DEPTOR: variants seen among roughly 807,000 people sequenced by gnomAD.
The protein encoded by DEPTOR is DEP domain containing MTOR interacting protein, also known as DEP domain-containing mTOR-interacting protein.
In DEPTOR, 41 loss-of-function variants were observed where a neutral mutation model predicts 41.6. The observed-to-expected ratio is 0.98, with a 90% confidence interval of 0.77 to 1.28. The LOEUF (loss-of-function observed/expected upper bound fraction) is 1.28. Among genes scored for constraint, DEPTOR ranks in the 50% most tolerant of loss-of-function variants. The pLI is 0.00. For missense variants in DEPTOR, 514 were observed against 527.9 expected, an observed-to-expected ratio of 0.97 and a Z score of 0.26; for synonymous variants, 195 against 192.3, an observed-to-expected ratio of 1.01 and a Z score of -0.12.
At chr8:119,884,435 T>G (rs1165447924) in intron 1 of DEPTOR, among the ~76,000 whole-genome samples, 2 of 152,160 alleles carry the variant, frequency 1.3e-5, no homozygotes, top group East Asian at 3.8e-4. Context: ...ATGCGAGTCG[T>G]GAGTGGTGTC....
chr8:119,981,844 G>A (rs1292800947), intron 4 of DEPTOR, among the ~76,000 whole-genome samples: 3 of 151,410 alleles, frequency 2.0e-5, no homozygotes, highest in African/African-American at 4.8e-5. Context: ...GTGAAACCTC[G>A]TTCTACTAAA....
chr8:120,009,727 C>T (rs1057460816), intron 8 of DEPTOR, among the ~76,000 whole-genome samples: 2 of 152,164 alleles, frequency 1.3e-5, no homozygotes, highest in Non-Finnish European at 2.9e-5. Context: ...TCTCCCTAAG[C>T]GTTTTGGCTT....
rs113360117 is a variant in DEPTOR at position 119,995,105 on chromosome 8, C to T, written c.605-6420C>T. ...CTTTAGAAGTCTAAAATGAAGAAGG[C>T]TTACAACACTCTATGTCAGATGCCA... On this transcript the variant is annotated intron_variant, in intron 4 of 8. Transcript: ENST00000286234. 3.4e-4 allele frequency among the ~76,000 whole-genome samples: 51 copies of T among 152,176 alleles called. 1 individual carries two copies. The highest frequency in any genetic ancestry group is 1.2e-4 in the Non-Finnish European group (8 of 67,986).
chr8:119,936,917 G>A (rs1395827337), intron 3 of DEPTOR, among the ~76,000 whole-genome samples: 1 of 152,090 alleles, frequency 6.6e-6, no homozygotes, highest in Non-Finnish European at 1.5e-5. Context: ...CCAGCTACTT[G>A]GGAGGCTGGG....
chr8:119,983,053 G>A (rs566881008), intron 4 of DEPTOR, among the ~76,000 whole-genome samples: 1 of 152,146 alleles, frequency 6.6e-6, no homozygotes, highest in Non-Finnish European at 1.5e-5. Flanking sequence ...TGAAACATAC[G>A]CTTTTAAGGA....
At chr8:119,976,918 G>C (rs1361111314) in intron 4 of DEPTOR, among the ~76,000 whole-genome samples, 1 of 152,168 alleles carries the variant, frequency 6.6e-6, no homozygotes, top group African/African-American at 2.4e-5. Context: ...ATGAGTGCTT[G>C]GCAGGCTGTT....
At position 119,928,669 on chromosome 8, in the gene DEPTOR, G is replaced by T; in HGVS notation, c.301+91G>T. The T allele has an allele frequency of 7.8e-6, 11 of 1,418,418 alleles. No individual in the cohort carries two copies. In the South Asian group the frequency reaches 8.0e-5, roughly 10 times the overall value. 87.9% of individuals were successfully genotyped at this position (1,418,418 alleles called of 1,614,324 possible). A position where few individuals can be genotyped will look rare whatever the true frequency, so the allele number is the denominator to read the frequency against. ...ACCCACTTAAGAAAGAAAACATTTT[G>T]CTTTATTTTATCTCCAGTGTACCTC... On this transcript the variant is annotated intron_variant, in intron 2 of 8. Coordinates refer to ENST00000286234, the MANE Select transcript of DEPTOR (RefSeq NM_022783.4).
intron 8 of DEPTOR, among the ~76,000 whole-genome samples, chr8:120,020,911 T>G (rs147528096): frequency 0.014 from 2,111 of 151,228 alleles, 51 homozygotes; most frequent in African/African-American, 0.049. Flanking sequence ...ATACAAAAAA[T>G]AGTTGGGCAT....
intron 3 of DEPTOR, among the ~76,000 whole-genome samples, chr8:119,934,813 G>A (rs145997066): frequency 5.4e-4 from 82 of 152,264 alleles, no homozygotes; most frequent in African/African-American, 1.9e-3. Context: ...CATGCCTTGG[G>A]GCATGTGGCT....
intron 1 of DEPTOR, among the ~76,000 whole-genome samples, chr8:119,895,869 G>C (rs528515910): frequency 6.6e-6 from 1 of 152,176 alleles, no homozygotes; most frequent in Non-Finnish European, 1.5e-5. Context: ...GACTTACACC[G>C]ATGCTTTGAA....
chr8:119,893,470 T>C (rs769650391), intron 1 of DEPTOR, among the ~76,000 whole-genome samples: 4 of 152,206 alleles, frequency 2.6e-5, no homozygotes, highest in Non-Finnish European at 5.9e-5. Flanking sequence ...CTGTAGTCTA[T>C]GATTTCCTGG....
chr8:119,874,343 A>AGAGG (rs1335516535), intron 1 of DEPTOR: 1 of 277,488 alleles, frequency 3.6e-6, no homozygotes, highest in Admixed American at 5.9e-5. Flanking sequence ...GAAGAGAGCA[A>AGAGG]GAGGGGTCGC....
At chr8:119,936,019 T>TTA (rs1563970256) in intron 3 of DEPTOR, among the ~76,000 whole-genome samples, 1 of 133,412 alleles carries the variant, frequency 7.5e-6, no homozygotes. Context: ...TTTTTTTTTT[T>TTA]ATCCAAAGGG....
At position 119,936,616 on chromosome 8, in the gene DEPTOR, T is replaced by A. The variant is rs560227267; in HGVS notation, c.425+6678T>A. Among the ~76,000 whole-genome samples the A allele has an allele frequency of 3.9e-5, 6 of 152,138 alleles. No homozygotes were observed. In the East Asian group the frequency reaches 9.7e-4, roughly 25 times the overall value. On this transcript the variant is annotated intron_variant, in intron 3 of 8. Coordinates refer to ENST00000286234, the MANE Select transcript of DEPTOR (RefSeq NM_022783.4). ...ATAGACCCTAGGTAAGGAACTGGAG[T>A]GAAAAACAAACAAAAAAAGTCTTCA...
intron 1 of DEPTOR, among the ~76,000 whole-genome samples, chr8:119,927,246 C>T (rs993963301): frequency 1.3e-5 from 2 of 152,100 alleles, no homozygotes; most frequent in Non-Finnish European, 2.9e-5. Context: ...GGCAACATTC[C>T]GTGCCATGGA....
intron 3 of DEPTOR, among the ~76,000 whole-genome samples, chr8:119,962,766 G>A (rs1296433679): frequency 6.6e-6 from 1 of 152,174 alleles, no homozygotes; most frequent in Non-Finnish European, 1.5e-5. Flanking sequence ...AAACACTGTA[G>A]TTGTCTAGGT....
chr8:119,913,173 G>A (rs754899513), intron 1 of DEPTOR, among the ~76,000 whole-genome samples: 2 of 152,064 alleles, frequency 1.3e-5, no homozygotes, highest in Non-Finnish European at 1.5e-5. Context: ...CGCCTGCCTC[G>A]GCCTCCCAAA....
chr8:120,003,196 A>C, intron 6 of DEPTOR, 85 bp downstream of exon 6: 1 of 1,561,704 alleles, frequency 6.4e-7, no homozygotes, highest in South Asian at 1.2e-5. Context: ...ATAGCGGGAG[A>C]CTAGTGTGTG....
intron 1 of DEPTOR, among the ~76,000 whole-genome samples, chr8:119,886,769 A>G (rs1252667162): frequency 6.6e-6 from 1 of 152,198 alleles, no homozygotes; most frequent in Non-Finnish European, 1.5e-5. Context: ...CGGGAGGTCA[A>G]CACTGTGATA....
Sources: gnomAD v4.1 joint callset for allele counts (sites outside exome capture counted in the v4.1 genomes callset) on GRCh38, gnomAD v4.1.1 for gene constraint, MANE v1.5 for transcripts, NCBI Gene and HGNC (gene_info 2026-07-23, HGNC 2026-07-21) for gene names.